Variants in BDH1 observed in about 807,000 individuals in gnomAD.
BDH1 encodes the protein D-beta-hydroxybutyrate dehydrogenase, mitochondrial.
A neutral mutation model predicts 33.1 loss-of-function variants in BDH1; 30 were observed. The observed-to-expected ratio is 0.91, with a 90% CI of 0.68 to 1.23. BDH1 has a LOEUF of 1.23. Ranked by LOEUF, BDH1 falls within the 50% of genes most tolerant of loss-of-function variation. The pLI is 0.00. For missense variants in BDH1, 443 were observed against 464.4 expected, an observed-to-expected ratio of 0.95 and a Z score of 0.42; for synonymous variants, 190 against 183.6, an observed-to-expected ratio of 1.03 and a Z score of -0.28.
intron 5 of BDH1, among the ~76,000 whole-genome samples, chr3:197,524,332 G>A (rs1713867319): frequency 6.6e-6 from 1 of 152,226 alleles, no homozygotes; most frequent in Non-Finnish European, 1.5e-5. Context: ...AAACATCCCA[G>A]GCGCGGGCAA....
At chr3:197,532,187 T>C (rs553502195) in intron 5 of BDH1, among the ~76,000 whole-genome samples, 21 of 152,238 alleles carry the variant, frequency 1.4e-4, no homozygotes, top group African/African-American at 3.9e-4. Flanking sequence ...AGGTACATCA[T>C]AGCATTTGAC....
At chr3:197,534,972 A>C (rs953472849) in intron 3 of BDH1, among the ~76,000 whole-genome samples, 1 of 152,188 alleles carries the variant, frequency 6.6e-6, no homozygotes, top group Non-Finnish European at 1.5e-5. Flanking sequence ...TTGAAGTGCA[A>C]AGTGCCAGCA....
chr3:197,548,765 C>T lies in BDH1; in HGVS notation c.-43-2279G>A, dbSNP rs560452033. Among the ~76,000 whole-genome samples, 139 of 152,176 alleles carry T rather than the reference C, an allele frequency of 9.1e-4. 1 individual carries two copies. The highest frequency in any genetic ancestry group is 3.2e-3 in the African/African-American group (134 of 41,528). ...ACTCGGGAGGCTGGGGCAGGAGAAT[C>T]GCTTGAACCCAGGAGGCGGAGGTTG... On this transcript the variant is annotated intron_variant, in intron 2 of 7. Transcript: ENST00000392379.
intron 2 of BDH1, among the ~76,000 whole-genome samples, chr3:197,546,804 C>T (rs1038875553): frequency 5.9e-5 from 9 of 152,210 alleles, no homozygotes; most frequent in African/African-American, 1.4e-4. Context: ...TCCTCAAACC[C>T]GCCAACCACT....
upstream of BDH1, among the ~76,000 whole-genome samples, chr3:197,556,248 G>A (rs972358242): frequency 6.6e-6 from 1 of 152,256 alleles, no homozygotes; most frequent in Non-Finnish European, 1.5e-5. Context: ...GCCGGAGGGT[G>A]AAGGCGCCGC....
chr3:197,520,682 A>G lies in BDH1; in HGVS notation c.409+1958T>C, dbSNP rs1713450518. On this transcript the variant is annotated intron_variant, in intron 6 of 7. Coordinates refer to ENST00000392379, the MANE Select transcript of BDH1 (RefSeq NM_203314.3). The surrounding 1 kb of genome is among the most constrained non-coding windows in gnomAD (Gnocchi z 6.0). ...ATAATCAAGTGGCTTTATGGTGCCGATGCAGCTGTTTTCCTGCCCAGTAGT... is the reference window on the plus strand; with the variant it reads ...ATAATCAAGTGGCTTTATGGTGCCGGTGCAGCTGTTTTCCTGCCCAGTAGT... 6.6e-6 allele frequency among the ~76,000 whole-genome samples: 1 copy of G among 152,156 alleles called. No individual in the cohort carries two copies. The highest frequency in any genetic ancestry group is 6.5e-5 in the Admixed American group (1 of 15,280).
rs1486734403 is a variant in BDH1 at position 197,510,369 on chromosome 3, C to G, written c.*1526G>C. The G allele has an allele frequency of 6.6e-6, 1 of 152,190 alleles. No homozygotes were observed. Among genetic ancestry groups the G allele is most frequent in the Non-Finnish European group, 1.5e-5 (1 of 68,096 alleles). 9.4% of individuals were successfully genotyped at this position (152,190 alleles called of 1,614,324 possible). A position where few individuals can be genotyped will look rare whatever the true frequency, so the allele number is the denominator to read the frequency against. ...AGAGGCGGAAACGCGGAGTCTGATT[C>G]GAAGGCGGGCACTGGGGACCCTGCC... On this transcript the variant is annotated 3_prime_UTR_variant, in exon 8 of 8. Transcript: ENST00000392379.
chr3:197,540,053 T>G (rs1391835356), intron 3 of BDH1, among the ~76,000 whole-genome samples: 2 of 152,086 alleles, frequency 1.3e-5, no homozygotes, highest in East Asian at 3.9e-4. Context: ...GGCCACACCC[T>G]TAGCACTTTT....
chr3:197,521,697 C>T lies in BDH1; in HGVS notation c.409+943G>A, dbSNP rs1482503498. Among the ~76,000 whole-genome samples the T allele has an allele frequency of 2.0e-5, 3 of 152,160 alleles. No individual in the cohort carries two copies. The highest frequency in any genetic ancestry group is 4.4e-5 in the Non-Finnish European group (3 of 68,018). The stretch of plus-strand genomic sequence containing the variant: ...CCAGGTGTCCAGGACAGAGACTTCG[C>T]GCCTCACCTCATCCCCACATCCAAG... On this transcript the variant is annotated intron_variant, in intron 6 of 7. Transcript: ENST00000392379. The surrounding 1 kb of genome is among the most constrained non-coding windows in gnomAD (Gnocchi z 4.9).
At position 197,554,829 on chromosome 3, in the gene BDH1, G is replaced by A. The variant is rs1174756727; in HGVS notation, c.-195-116C>T. 6.6e-6 allele frequency: 1 copy of A among 152,276 alleles called. No individual in the cohort carries two copies. The highest frequency in any genetic ancestry group is 1.5e-5 in the Non-Finnish European group (1 of 68,074). The allele number at this position is 152,276 out of a possible 1,614,324, so 9.4% of individuals were successfully genotyped here. A position where few individuals can be genotyped will look rare whatever the true frequency, so the allele number is the denominator to read the frequency against. ...GCAGGACGCACGCCCAAGGCGCCTG[G>A]GCCGCTAGGGACCGACCGGAGCGCT... On this transcript the variant is annotated intron_variant, in intron 1 of 7. Coordinates refer to ENST00000392379, the MANE Select transcript of BDH1 (RefSeq NM_203314.3). The surrounding 1 kb of genome is among the most constrained non-coding windows in gnomAD (Gnocchi z 4.4).
chr3:197,547,749 C>G (rs1716204117), intron 2 of BDH1, among the ~76,000 whole-genome samples: 1 of 152,258 alleles, frequency 6.6e-6, no homozygotes. Context: ...CCCTAGCTCA[C>G]TGGGCCACCC....
chr3:197,563,018 C>T (rs1053421321), intron 1 of BDH1, among the ~76,000 whole-genome samples: 1 of 152,042 alleles, frequency 6.6e-6, no homozygotes, highest in African/African-American at 2.4e-5. Context: ...GAGATAAAAC[C>T]ACTGTTTGGG....
chr3:197,518,313 AC>A (rs56072912), intron 6 of BDH1, among the ~76,000 whole-genome samples: 1 of 2,666 alleles, frequency 3.8e-4, no homozygotes. Context: ...CCTCAGGCCG[AC>A]CCCCCCCCAT....
chr3:197,564,098 T>TAAAAAAAAA (rs71164298), intron 1 of BDH1, among the ~76,000 whole-genome samples: 11 of 109,012 alleles, frequency 1.0e-4, no homozygotes, highest in African/African-American at 3.2e-4. Flanking sequence ...AGACTTCATC[T>TAAAAAAAAA]AAAAAAAAAA....
intron 3 of BDH1, chr3:197,538,490 T>A: frequency 7.1e-6 from 3 of 420,270 alleles, no homozygotes; most frequent in South Asian, 5.3e-5. Context: ...TAGCCGGGAC[T>A]ACAGGCTTGC....
chr3:197,536,304 C>T (rs185063248), intron 3 of BDH1, among the ~76,000 whole-genome samples: 2 of 152,240 alleles, frequency 1.3e-5, no homozygotes, highest in Admixed American at 1.3e-4. Flanking sequence ...TTTTCTTCTT[C>T]AAAATTCTTT....
Position 197,533,754 on chromosome 3 carries a change from T to C in BDH1, c.84-193A>G, listed in dbSNP as rs190319906. 4.8e-4 allele frequency: 282 copies of C among 587,032 alleles called. 1 individual carries two copies. Among genetic ancestry groups the C allele is most frequent in the Admixed American group, 3.8e-4 (13 of 33,850 alleles). The allele number at this position is 587,032 out of a possible 1,614,324, so 36.4% of individuals were successfully genotyped here. A position where few individuals can be genotyped will look rare whatever the true frequency, so the allele number is the denominator to read the frequency against. ...AGTGAGCCAGTATTTGCTATGGCTA[T>C]GTTTGCCACTGTCCAGGAAGAGCCT... On this transcript the variant is annotated intron_variant, in intron 3 of 7. Coordinates refer to ENST00000392379, the MANE Select transcript of BDH1 (RefSeq NM_203314.3).
chr3:197,527,108 A>G (rs1427555663), intron 5 of BDH1, among the ~76,000 whole-genome samples: 1 of 152,234 alleles, frequency 6.6e-6, no homozygotes, highest in African/African-American at 2.4e-5. Context: ...ACCTCAGGGA[A>G]GAACATGAGG....
chr3:197,537,231 C>T (rs1301235931), intron 3 of BDH1, among the ~76,000 whole-genome samples: 3 of 152,146 alleles, frequency 2.0e-5, no homozygotes, highest in African/African-American at 4.8e-5. Flanking sequence ...TCAAGTGATC[C>T]TCCCACCTCA....
Sources: gnomAD v4.1 joint callset for allele counts (sites outside exome capture counted in the v4.1 genomes callset) on GRCh38, gnomAD v4.1.1 for gene constraint, Gnocchi (gnomAD v3.1) non-coding constraint, MANE v1.5 for transcripts, NCBI Gene and HGNC (gene_info 2026-07-23, HGNC 2026-07-21) for gene names.